CCDC112: variants seen among roughly 807,000 people sequenced by gnomAD.
The protein encoded by CCDC112 is coiled-coil domain containing 112.
Under a neutral mutation model 66.3 loss-of-function variants are expected in CCDC112, and 40 were observed. The observed-to-expected ratio is 0.60, with a 90% CI of 0.47 to 0.79. The LOEUF is 0.79. Among genes scored for constraint, CCDC112 ranks in the 30% least tolerant of loss-of-function variants. CCDC112 has a pLI of 0.00. For synonymous variants in CCDC112, 214 were observed against 197.2 expected (o/e 1.09, Z -0.71); for missense variants, 659 against 603.8 (o/e 1.09, Z -0.96).
At chr5:115,287,997 C>T (rs1297866014) in intron 1 of CCDC112, among the ~76,000 whole-genome samples, 1 of 151,216 alleles carries the variant, frequency 6.6e-6, no homozygotes, top group African/African-American at 2.4e-5. Flanking sequence ...TTTTTCCCCC[C>T]GAGACGGAGT....
intron 9 of CCDC112, 46 bp downstream of exon 9, chr5:115,268,836 C>A: frequency 2.0e-6 from 2 of 1,006,946 alleles, no homozygotes; most frequent in Non-Finnish European, 1.5e-6. Flanking sequence ...TATAAACATG[C>A]AGCAATTAAA....
At chr5:115,278,599 G>A (rs940561521) in intron 3 of CCDC112, among the ~76,000 whole-genome samples, 1 of 152,014 alleles carries the variant, frequency 6.6e-6, no homozygotes, top group African/African-American at 2.4e-5. Context: ...TTACTTATTG[G>A]CATTACTGAG....
At chr5:115,274,894 C>A (rs1273615231) in intron 6 of CCDC112, among the ~76,000 whole-genome samples, 1 of 152,172 alleles carries the variant, frequency 6.6e-6, no homozygotes, top group African/African-American at 2.4e-5. Flanking sequence ...GTGCGTGGCA[C>A]CATGCCCAGC....
At chr5:115,269,868 C>T in intron 7 of CCDC112, 70 bp from the exon 8 acceptor site, 11 of 928,846 alleles carry the variant, frequency 1.2e-5, no homozygotes, top group Non-Finnish European at 1.7e-5. Context: ...TAGTTGTTCA[C>T]AAGTAAAATT....
Position 115,271,566 on chromosome 5 carries a change from C to T in CCDC112, c.979G>A (p.Glu327Lys). Residue 327 changes from glutamate (E) to lysine (K), a missense_variant, in exon 7 of 10, where the codon GAA becomes AAA. By Grantham distance (56) the Glu-to-Lys change is moderately conservative. Coordinates refer to ENST00000379611, the MANE Select transcript of CCDC112 (RefSeq NM_001040440.3). Reference protein sequence around the residue: ...QKREEIFKLKEKADNTPVLFH... With the variant: ...QKREEIFKLKKKADNTPVLFH... ...AGCACAGGTGTGTTGTCTGCCTTTT[C>T]CTTTAACTTGAAAATTTCCTCCCTT... 6.4e-7 allele frequency: 1 copy of T among 1,566,840 alleles called. No individual in the cohort carries two copies. The highest frequency in any genetic ancestry group is 2.3e-5 in the East Asian group (1 of 43,398).
At chr5:115,290,568 A>C (rs1749878638) in intron 1 of CCDC112, among the ~76,000 whole-genome samples, 1 of 152,208 alleles carries the variant, frequency 6.6e-6, no homozygotes. Context: ...TCTGTAAATC[A>C]ATTTGGGGAT....
intron 5 of CCDC112, 118 bp from the exon 6 acceptor site, chr5:115,275,724 T>G: frequency 1.3e-6 from 1 of 785,646 alleles, no homozygotes; most frequent in East Asian, 2.8e-5. Context: ...ATTATTAACA[T>G]TTATAAATTT....
intron 9 of CCDC112, among the ~76,000 whole-genome samples, chr5:115,268,181 C>T (rs1748830426): frequency 6.6e-6 from 1 of 152,140 alleles, no homozygotes; most frequent in Non-Finnish European, 1.5e-5. Context: ...CAATACTACT[C>T]TCCTTATAAA....
In CCDC112 at chr5:115,269,731, TG is replaced by T; in HGVS notation, c.1399del (p.Gln467LysfsTer7). The T allele has an allele frequency of 1.2e-6, 2 of 1,603,548 alleles. No homozygotes were observed. Among genetic ancestry groups the T allele is most frequent in the Non-Finnish European group, 1.7e-6 (2 of 1,175,762 alleles). On this transcript the variant is annotated frameshift_variant, in exon 8 of 10. Coordinates refer to ENST00000379611, the MANE Select transcript of CCDC112 (RefSeq NM_001040440.3). LOFTEE classifies it high-confidence loss of function. ...QAKEDEKSQK[Q>X]RRLAKLKEKV... Reference sequence around the variant, plus strand: ...TTCTTTTAATTTTGCCAGTCTTCTTTGTTTTTGTGACTTTTCATCTTCCTTT... The same window carrying T: ...TTCTTTTAATTTTGCCAGTCTTCTTTTTTTTGTGACTTTTCATCTTCCTTT...
At chr5:115,288,932 G>A in intron 1 of CCDC112, 1 of 437,518 alleles carries the variant, frequency 2.3e-6, no homozygotes, top group South Asian at 1.6e-5. Flanking sequence ...CCTCTGGATT[G>A]TACAAGGAGG....
intron 4 of CCDC112, 26 bp from the exon 5 acceptor site, chr5:115,276,095 T>G: frequency 6.5e-7 from 1 of 1,529,070 alleles, no homozygotes; most frequent in Non-Finnish European, 8.9e-7. Flanking sequence ...GGAAAATTAT[T>G]TTGTGCCATT....
Position 115,271,555 on chromosome 5 carries a change from G to A in CCDC112, c.990C>T (p.Asp330=). The stretch of plus-strand genomic sequence containing the variant: ...TATTATGAAAAAGCACAGGTGTGTT[G>A]TCTGCCTTTTCCTTTAACTTGAAAA... ...EEIFKLKEKA[D]NTPVLFHNKQ... is the part of the protein sequence containing the mutation. The change falls in exon 7 of 10, where the codon GAC becomes GAT. Residue 330 remains aspartate, a synonymous_variant. Transcript: ENST00000379611. 6.3e-7 allele frequency: 1 copy of A among 1,591,536 alleles called. No individual in the cohort carries two copies. Among genetic ancestry groups the A allele is most frequent in the Non-Finnish European group, 8.5e-7 (1 of 1,173,794 alleles).
intron 6 of CCDC112, among the ~76,000 whole-genome samples, chr5:115,273,254 A>C (rs1309431197): frequency 6.6e-6 from 1 of 152,230 alleles, no homozygotes; most frequent in Non-Finnish European, 1.5e-5. Context: ...GAGGTTCCAG[A>C]AAGTGAGAAC....
chr5:115,279,879 G>A, intron 2 of CCDC112, 111 bp from the exon 3 acceptor site: 3 of 628,856 alleles, frequency 4.8e-6, no homozygotes, highest in African/African-American at 1.9e-5. Context: ...ATTCATCTAT[G>A]GAATAAAAAT....
intron 2 of CCDC112, chr5:115,280,287 C>T (rs1319645923): frequency 6.6e-6 from 1 of 152,202 alleles, no homozygotes; most frequent in Non-Finnish European, 1.5e-5. Flanking sequence ...CTGTACAGTA[C>T]AAGTATACTA....
At chr5:115,276,254 T>C (rs1298175580) in intron 4 of CCDC112, among the ~76,000 whole-genome samples, 185 bp from the exon 5 acceptor site, 3 of 152,210 alleles carry the variant, frequency 2.0e-5, no homozygotes, top group Non-Finnish European at 2.9e-5. Flanking sequence ...ACATTTTCCC[T>C]ATATACTCAT....
chr5:115,271,559 G>A lies in CCDC112; in HGVS notation c.986C>T (p.Ala329Val). ...REEIFKLKEK[A>V]DNTPVLFHNK... ...ATGAAAAAGCACAGGTGTGTTGTCTGCCTTTTCCTTTAACTTGAAAATTTC... is the reference window on the plus strand; with the variant it reads ...ATGAAAAAGCACAGGTGTGTTGTCTACCTTTTCCTTTAACTTGAAAATTTC... Residue 329 changes from alanine to valine, a missense_variant, in exon 7 of 10, where the codon GCA (alanine) becomes GTA (valine). Physicochemically the swap from Ala to Val is moderately conservative, Grantham distance 64 (BLOSUM62 0). Transcript: ENST00000379611. 1.3e-6 allele frequency: 2 copies of A among 1,579,600 alleles called. No homozygotes were observed. Among genetic ancestry groups the A allele is most frequent in the South Asian group, 1.2e-5 (1 of 83,298 alleles).
chr5:115,293,273 A>G (rs555384786), intron 1 of CCDC112, among the ~76,000 whole-genome samples: 8 of 152,310 alleles, frequency 5.3e-5, no homozygotes, highest in African/African-American at 1.9e-4. Flanking sequence ...TAGGTTAACT[A>G]TACTCAGTAA....
At chr5:115,281,906 T>G (rs2127064360) in intron 2 of CCDC112, among the ~76,000 whole-genome samples, 1 of 152,348 alleles carries the variant, frequency 6.6e-6, no homozygotes, top group East Asian at 1.9e-4. Context: ...TCATACATTG[T>G]TGGTGGAACT....
Sources: gnomAD v4.1 joint callset for allele counts (sites outside exome capture counted in the v4.1 genomes callset) on GRCh38, gnomAD v4.1.1 for gene constraint, MANE v1.5 for transcripts, NCBI Gene and HGNC (gene_info 2026-07-23, HGNC 2026-07-21) for gene names.